The following MAP3K19 variants were observed in gnomAD, a reference collection of about 807,000 sequenced individuals.
The protein encoded by MAP3K19 is mitogen-activated protein kinase kinase kinase 19.
In MAP3K19, 91 loss-of-function variants were observed where a neutral mutation model predicts 114.4. That is an observed-to-expected ratio of 0.80 (90% CI 0.67 to 0.95). The LOEUF (loss-of-function observed/expected upper bound fraction) is 0.95. MAP3K19 is among the 40% of genes least tolerant of loss of function. MAP3K19 has a pLI of 0.00. For missense variants in MAP3K19, 1,471 were observed against 1,573.2 expected (o/e 0.94, Z 1.10); for synonymous variants, 518 against 530.5 (o/e 0.98, Z 0.32).
intron 5 of MAP3K19, among the ~76,000 whole-genome samples, chr2:135,009,250 C>A (rs1687050934): frequency 6.6e-6 from 1 of 151,908 alleles, no homozygotes; most frequent in African/African-American, 2.4e-5. Flanking sequence ...CAGGCACCTG[C>A]CACCACGTCT....
intron 8 of MAP3K19, among the ~76,000 whole-genome samples, chr2:134,992,795 G>T (rs544799013): frequency 6.6e-6 from 1 of 151,848 alleles, no homozygotes; most frequent in African/African-American, 2.4e-5. Flanking sequence ...TCAGCCTCCC[G>T]AGAAGCTGGG....
rs79200421 is a variant in MAP3K19 at position 135,038,345 on chromosome 2, A to G, written c.-284+2018T>C. 4.6e-4 allele frequency among the ~76,000 whole-genome samples: 70 copies of G among 151,984 alleles called. No homozygotes were observed. The East Asian group carries it at 0.011, about 25-fold the overall frequency. The stretch of plus-strand genomic sequence containing the variant: ...TATGTATGTATATATGTGTATGTAT[A>G]TATTTAAGCTCTTTTTCCAGACCTC... On this transcript the variant is annotated intron_variant, in intron 2 of 12. Coordinates refer to ENST00000392915, the MANE Select transcript of MAP3K19 (RefSeq NM_025052.5).
In MAP3K19 at chr2:135,005,543, T is replaced by C; in HGVS notation, c.139-12A>G. 6.2e-7 allele frequency: 1 copy of C among 1,604,164 alleles called. No individual in the cohort carries two copies. The highest frequency in any genetic ancestry group is 1.1e-5 in the South Asian group (1 of 90,812). ...TCTTGGTCGAACTCCTGCAATATCA[T>C]AAAATTCAAAACTCAGTTATTAGTT... On this transcript the variant is annotated splice_polypyrimidine_tract_variant and intron_variant, in intron 5 of 12. Transcript: ENST00000392915.
chr2:134,987,746 C>T lies in MAP3K19; in HGVS notation c.1126G>A (p.Val376Ile). 6.2e-7 allele frequency: 1 copy of T among 1,609,690 alleles called. No individual in the cohort carries two copies. The highest frequency in any genetic ancestry group is 1.1e-5 in the South Asian group (1 of 91,038). ...GGATCTTGTTCATAGTTTTTGGCTA[C>T]TGAACTCTCATTCTTTCTTGATGAA... ...YLSSRKNESS[V>I]AKNYEQDPEI... The change falls in exon 10 of 13, where the codon GTA (valine) becomes ATA (isoleucine). Residue 376 changes from valine (V) to isoleucine (I), a missense_variant. By Grantham distance (29) the Val-to-Ile change is conservative. Transcript: ENST00000392915.
At chr2:134,974,086 C>T (rs1174520406) in intron 12 of MAP3K19, among the ~76,000 whole-genome samples, 1 of 152,156 alleles carries the variant, frequency 6.6e-6, no homozygotes, top group African/African-American at 2.4e-5. Context: ...ACTGCACCCT[C>T]CACCTCCCAG....
chr2:135,004,834 C>T (rs913856437), intron 6 of MAP3K19, among the ~76,000 whole-genome samples: 6 of 152,156 alleles, frequency 3.9e-5, no homozygotes, highest in Admixed American at 3.9e-4. Context: ...TACACTCCCC[C>T]ACCTTCCCCT....
intron 12 of MAP3K19, 58 bp downstream of exon 12, chr2:134,980,763 G>A: frequency 2.7e-6 from 4 of 1,484,580 alleles, no homozygotes; most frequent in Non-Finnish European, 3.7e-6. Context: ...AAAGGGAAAT[G>A]TCTGCCACTT....
At position 134,987,704 on chromosome 2, in the gene MAP3K19, TG is replaced by T; in HGVS notation, c.1167del (p.Ile390PhefsTer13). On this transcript the variant is annotated frameshift_variant, in exon 10 of 13. Coordinates refer to ENST00000392915, the MANE Select transcript of MAP3K19 (RefSeq NM_025052.5). LOFTEE classifies it high-confidence loss of function. Reference sequence around the variant, plus strand: ...TGGGTTTCTTGGAACTTGCTTGGAATGGTACATACTATTTCTGGATCTTGTT... The same window carrying T: ...TGGGTTTCTTGGAACTTGCTTGGAATGTACATACTATTTCTGGATCTTGTT... ...NYEQDPEIVC[T>X]IPSKFQETQH... 2 of 1,612,902 alleles carry T rather than the reference TG, an allele frequency of 1.2e-6. No homozygotes were observed. Among genetic ancestry groups the T allele is most frequent in the Non-Finnish European group, 1.7e-6 (2 of 1,180,032 alleles).
chr2:135,022,461 G>A (rs1309409247), intron 4 of MAP3K19, among the ~76,000 whole-genome samples: 2 of 152,060 alleles, frequency 1.3e-5, no homozygotes, highest in Non-Finnish European at 2.9e-5. Flanking sequence ...ATGCTTCTTG[G>A]CCTCTTCCAA....
intron 8 of MAP3K19, among the ~76,000 whole-genome samples, chr2:134,995,278 T>C: frequency 6.8e-6 from 1 of 146,156 alleles, no homozygotes; most frequent in Non-Finnish European, 1.5e-5. Flanking sequence ...ATCGCGCCAT[T>C]GCACTCCAAG....
intron 6 of MAP3K19, among the ~76,000 whole-genome samples, chr2:135,003,546 T>G (rs1265471517): frequency 7.4e-6 from 1 of 134,340 alleles, no homozygotes; most frequent in East Asian, 2.0e-4. Flanking sequence ...AAAATAGTGT[T>G]TGTTTGTTTG....
intron 9 of MAP3K19, among the ~76,000 whole-genome samples, chr2:134,989,161 A>C (rs78771635): frequency 6.6e-6 from 1 of 152,158 alleles, no homozygotes; most frequent in Non-Finnish European, 1.5e-5. Context: ...TCTAGTTTCA[A>C]ACTAAGCTAG....
At position 135,008,117 on chromosome 2, in the gene MAP3K19, T is replaced by C. The variant is rs114695623; in HGVS notation, c.139-2586A>G. Among the ~76,000 whole-genome samples, 471 of 152,106 alleles carry C rather than the reference T, an allele frequency of 3.1e-3. 2 individuals are homozygous for C. The highest frequency in any genetic ancestry group is 0.01 in the African/African-American group (420 of 41,512). ...TCCTTCAACAAATATCAGAGGGTCA[T>C]AACAGTACTTCTTTTTTTTTTTTGA... On this transcript the variant is annotated intron_variant, in intron 5 of 12. Transcript: ENST00000392915.
chr2:135,027,082 C>T (rs13383310), intron 3 of MAP3K19, among the ~76,000 whole-genome samples: 4,095 of 152,038 alleles, frequency 0.027, 164 homozygotes, highest in African/African-American at 0.092. Context: ...TCCATCTCCA[C>T]AAAAAATTAA....
Position 134,997,820 on chromosome 2 carries a change from A to AAAAAAAAAAAAAAAC in MAP3K19, c.574+917_574+918insGTTTTTTTTTTTTTT, listed in dbSNP as rs61650738. Among the ~76,000 whole-genome samples the AAAAAAAAAAAAAAAC allele has an allele frequency of 1.1e-4, 16 of 148,488 alleles. No individual in the cohort carries two copies. The East Asian group carries it at 2.0e-3, about 19-fold the overall frequency. On this transcript the variant is annotated intron_variant, in intron 8 of 12. Transcript: ENST00000392915. Reference sequence around the variant, plus strand: ...GTGACAGAGCGAGACTCCGTCTCAAAAAAAAAAAAACTTTAAGCACTGCTT... The same window carrying AAAAAAAAAAAAAAAC: ...GTGACAGAGCGAGACTCCGTCTCAAAAAAAAAAAAAAAAACAAAAAAAAAACTTTAAGCACTGCTT...
chr2:134,972,611 T>C (rs1683958758), intron 12 of MAP3K19, among the ~76,000 whole-genome samples: 2 of 152,070 alleles, frequency 1.3e-5, no homozygotes, highest in African/African-American at 4.8e-5. Flanking sequence ...AATTTTTTTT[T>C]TTTCTTTTTG....
chr2:134,990,033 G>T (rs1349345128), intron 9 of MAP3K19, among the ~76,000 whole-genome samples: 1 of 151,726 alleles, frequency 6.6e-6, no homozygotes, highest in African/African-American at 2.4e-5. Context: ...AGTGAGCCGA[G>T]ATTGTGCCAA....
At position 134,987,859 on chromosome 2, in the gene MAP3K19, T is replaced by G. The variant is rs1190814356; in HGVS notation, c.1013A>C (p.Glu338Ala). ...QSLVSFENLK[E>A]GNIPAVREED... The stretch of plus-strand genomic sequence containing the variant: ...TTCCCTAACTGCAGGAATATTGCCT[T>G]CCTTCAAATTCTCAAAAGACACCAA... The change falls in exon 10 of 13, where the codon GAA becomes GCA. Residue 338 changes from glutamate to alanine, a missense_variant. Transcript: ENST00000392915. 1.2e-6 allele frequency: 2 copies of G among 1,612,072 alleles called. No individual in the cohort carries two copies. The highest frequency in any genetic ancestry group is 2.7e-5 in the African/African-American group (2 of 74,936).
At chr2:135,008,242 C>A (rs1686973371) in intron 5 of MAP3K19, among the ~76,000 whole-genome samples, 1 of 152,032 alleles carries the variant, frequency 6.6e-6, no homozygotes, top group Non-Finnish European at 1.5e-5. Flanking sequence ...CCTGTCTCAA[C>A]CTCTCGAGTA....
Sources: gnomAD v4.1 joint callset for allele counts (sites outside exome capture counted in the v4.1 genomes callset) on GRCh38, gnomAD v4.1.1 for gene constraint, MANE v1.5 for transcripts, NCBI Gene and HGNC (gene_info 2026-07-23, HGNC 2026-07-21) for gene names.